ZNF827: variants seen among roughly 807,000 people sequenced by gnomAD.
The protein encoded by ZNF827 is zinc finger protein 827.
In ZNF827, 13 loss-of-function variants were observed where a neutral mutation model predicts 102.4. That is an observed-to-expected ratio of 0.13 (90% CI 0.08 to 0.20). ZNF827 has a LOEUF of 0.20. Among genes scored for constraint, ZNF827 ranks in the 10% least tolerant of loss-of-function variants. The probability of loss-of-function intolerance (pLI) is 1.00; values close to 1 mark genes in which losing one functional copy is unlikely to be tolerated. For synonymous variants in ZNF827, 523 were observed against 536.2 expected (o/e 0.98, Z 0.34); for missense variants, 1,103 against 1,344.4 (o/e 0.82, Z 2.81).
chr4:145,896,288 G>A (rs7655029), intron 2 of ZNF827, among the ~76,000 whole-genome samples: 3 of 152,334 alleles, frequency 2.0e-5, no homozygotes, highest in South Asian at 2.1e-4. Context: ...TTGGCCCAAC[G>A]TTGTAGTTTG....
chr4:145,892,521 G>C (rs1320701135), intron 2 of ZNF827, 106 bp from the exon 3 acceptor site: 2 of 1,257,398 alleles, frequency 1.6e-6, no homozygotes, highest in Non-Finnish European at 2.1e-6. Context: ...AAAATGATTT[G>C]GGTTTTTTTC....
intron 1 of ZNF827, among the ~76,000 whole-genome samples, chr4:145,932,445 G>A (rs1470661063): frequency 6.6e-6 from 1 of 151,270 alleles, no homozygotes; most frequent in Non-Finnish European, 1.5e-5. Flanking sequence ...TTTTCTACAA[G>A]AACATGTTGA....
chr4:145,776,967 A>G (rs193233812), intron 9 of ZNF827, among the ~76,000 whole-genome samples: 53 of 152,350 alleles, frequency 3.5e-4, no homozygotes, highest in Admixed American at 2.6e-4. Flanking sequence ...CTTTGCTTTC[A>G]TCACACAGAT....
At chr4:145,890,957 T>C (rs1318222483) in intron 3 of ZNF827, among the ~76,000 whole-genome samples, 1 of 152,216 alleles carries the variant, frequency 6.6e-6, no homozygotes, top group African/African-American at 2.4e-5. Flanking sequence ...AGAGGTTCTA[T>C]CTGGTCACAC....
intron 4 of ZNF827, among the ~76,000 whole-genome samples, chr4:145,883,524 A>C (rs1394101085): frequency 6.6e-6 from 1 of 152,040 alleles, no homozygotes; most frequent in African/African-American, 2.4e-5. Context: ...GCCTTATCTT[A>C]TGCTCCCTGA....
At chr4:145,840,076 T>G (rs773196219) in intron 7 of ZNF827, among the ~76,000 whole-genome samples, 1 of 152,174 alleles carries the variant, frequency 6.6e-6, no homozygotes, top group Non-Finnish European at 1.5e-5. Context: ...AAGGGCTTGG[T>G]GAAATGGGAA....
chr4:145,902,113 G>T lies in ZNF827; in HGVS notation c.1093+53C>A, dbSNP rs1044088718. The T allele has an allele frequency of 1.3e-6, 2 of 1,520,640 alleles. No homozygotes were observed. Among genetic ancestry groups the T allele is most frequent in the African/African-American group, 2.8e-5 (2 of 71,670 alleles). 94.2% of individuals were successfully genotyped at this position (1,520,640 alleles called of 1,614,324 possible). A position where few individuals can be genotyped will look rare whatever the true frequency, so the allele number is the denominator to read the frequency against. On this transcript the variant is annotated intron_variant, in intron 2 of 14. Coordinates refer to ENST00000508784, the MANE Select transcript of ZNF827 (RefSeq NM_001306215.2). This position sits in a 1 kb window ranked among gnomAD's most constrained non-coding sequence, Gnocchi z 4.3. The stretch of plus-strand genomic sequence containing the variant: ...TGAAAAAAGCAATGAATAAGACATC[G>T]CAGTTTATAGTCTAAAGGACTTACA...
chr4:145,788,036 C>G (rs1023701487), intron 8 of ZNF827, among the ~76,000 whole-genome samples: 6 of 152,174 alleles, frequency 3.9e-5, no homozygotes, highest in African/African-American at 1.4e-4. Flanking sequence ...GGTAACCTGC[C>G]TAGTGACTCT....
At chr4:145,842,686 G>A (rs879714086) in intron 7 of ZNF827, among the ~76,000 whole-genome samples, 14 of 152,172 alleles carry the variant, frequency 9.2e-5, no homozygotes, top group South Asian at 6.2e-4. Flanking sequence ...GTGGAGGAGC[G>A]TAGGCATTCA....
intron 8 of ZNF827, among the ~76,000 whole-genome samples, chr4:145,789,270 T>G (rs966134460): frequency 1.3e-5 from 2 of 152,192 alleles, no homozygotes; most frequent in Non-Finnish European, 2.9e-5. Flanking sequence ...CCATAATTGG[T>G]TAAGTCTCTG....
chr4:145,758,276 G>C lies in ZNF827; in HGVS notation c.*3340C>G, dbSNP rs1372392147. The C allele has an allele frequency of 2.0e-5, 3 of 152,180 alleles. No individual in the cohort carries two copies. The highest frequency in any genetic ancestry group is 7.2e-5 in the African/African-American group (3 of 41,446). The allele number at this position is 152,180 out of a possible 1,614,324, so 9.4% of individuals were successfully genotyped here. ...CATTCAAATACAAGTTCAGTGGCAA[G>C]CAGTGAAATGCATGGCATTTGAGCA... is the stretch of plus-strand genomic sequence containing the variant. On this transcript the variant is annotated 3_prime_UTR_variant, in exon 15 of 15. Coordinates refer to ENST00000508784, the MANE Select transcript of ZNF827 (RefSeq NM_001306215.2).
intron 1 of ZNF827, among the ~76,000 whole-genome samples, chr4:145,908,583 T>C (rs1752053602): frequency 6.6e-6 from 1 of 152,256 alleles, no homozygotes; most frequent in African/African-American, 2.4e-5. Context: ...TCATAATAAG[T>C]GCTGCAAATC....
intron 8 of ZNF827, among the ~76,000 whole-genome samples, chr4:145,810,866 C>T (rs1304025568): frequency 6.6e-6 from 1 of 152,054 alleles, no homozygotes; most frequent in Non-Finnish European, 1.5e-5. Context: ...GTATTTTTGT[C>T]CATATCCCTT....
chr4:145,892,213 T>C lies in ZNF827; in HGVS notation c.1266+30A>G, dbSNP rs533329954. On this transcript the variant is annotated intron_variant, in intron 3 of 14. Transcript: ENST00000508784. ...CAGAAGCCCTGGCTGTGCCTGCCTC[T>C]CCAGGAGGTGCAGTCGGTAGGTGGC... 4 of 1,584,352 alleles carry C rather than the reference T, an allele frequency of 2.5e-6. No homozygotes were observed. The South Asian group carries it at 4.6e-5, about 18-fold the overall frequency.
At chr4:145,828,043 G>T (rs775776404) in intron 7 of ZNF827, among the ~76,000 whole-genome samples, 3 of 152,182 alleles carry the variant, frequency 2.0e-5, no homozygotes, top group Non-Finnish European at 4.4e-5. Context: ...TGTTGGCAGC[G>T]GGCAGCGGAG....
chr4:145,834,358 G>T (rs527822515), intron 7 of ZNF827, among the ~76,000 whole-genome samples: 1 of 151,880 alleles, frequency 6.6e-6, no homozygotes, highest in African/African-American at 2.4e-5. Flanking sequence ...CCCAAGCGTC[G>T]CTGAGTCTTT....
intron 11 of ZNF827, among the ~76,000 whole-genome samples, chr4:145,767,472 TC>T (rs1735480500): frequency 6.6e-6 from 1 of 152,008 alleles, no homozygotes. Context: ...CCAAAAATTT[TC>T]CAAATTTGAG....
chr4:145,884,932 G>A (rs1055611586), intron 4 of ZNF827, among the ~76,000 whole-genome samples: 2 of 151,992 alleles, frequency 1.3e-5, no homozygotes, highest in Non-Finnish European at 1.5e-5. Context: ...ACATAAAGTA[G>A]TGGCCTCCAG....
At chr4:145,937,963 T>A (rs1056183396) in intron 1 of ZNF827, among the ~76,000 whole-genome samples, 1 of 146,592 alleles carries the variant, frequency 6.8e-6, no homozygotes, top group Non-Finnish European at 1.5e-5. Flanking sequence ...TTTTTAAGAT[T>A]CCAACCTCTC....
Sources: gnomAD v4.1 joint callset for allele counts (sites outside exome capture counted in the v4.1 genomes callset) on GRCh38, gnomAD v4.1.1 for gene constraint, Gnocchi (gnomAD v3.1) non-coding constraint, MANE v1.5 for transcripts, NCBI Gene and HGNC (gene_info 2026-07-23, HGNC 2026-07-21) for gene names.